PCDHGB2: variants seen among roughly 807,000 people sequenced by gnomAD.
The protein encoded by PCDHGB2 is protocadherin gamma-B2.
In PCDHGB2, 55 loss-of-function variants were observed where a neutral mutation model predicts 59.3. The ratio of observed to expected loss-of-function variants is 0.93; its 90% CI spans 0.75 to 1.16. The LOEUF (loss-of-function observed/expected upper bound fraction) is 1.16. Among genes scored for constraint, PCDHGB2 ranks in the 50% most tolerant of loss-of-function variants. The pLI is 0.00. For synonymous variants in PCDHGB2, 516 were observed against 512.0 expected, an observed-to-expected ratio of 1.01 and a Z score of -0.11; for missense variants, 1,228 against 1,198.5, an observed-to-expected ratio of 1.02 and a Z score of -0.36.
At chr5:141,394,884 C>T (rs2093119839) in intron 1 of PCDHGB2, 2 of 1,613,902 alleles carry the variant, frequency 1.2e-6, no homozygotes, top group Non-Finnish European at 1.7e-6. Flanking sequence ...GAGCCTTACA[C>T]TCTATCTCGT....
intron 1 of PCDHGB2, chr5:141,410,118 G>C: frequency 1.2e-6 from 2 of 1,612,422 alleles, no homozygotes; most frequent in African/African-American, 2.7e-5. Flanking sequence ...GACGCAGCCC[G>C]CCAGCGCCTG....
chr5:141,421,239 G>C, intron 1 of PCDHGB2: 1 of 1,599,000 alleles, frequency 6.3e-7, no homozygotes, highest in South Asian at 1.1e-5. Flanking sequence ...TGGCGAATCG[G>C]CTACAGCGCG....
At chr5:141,419,547 T>C (rs2096397603) in intron 1 of PCDHGB2, 6 of 1,612,070 alleles carry the variant, frequency 3.7e-6, no homozygotes, top group Non-Finnish European at 5.1e-6. Context: ...CCGCGGGTGC[T>C]GTACCCTGCG....
intron 1 of PCDHGB2, chr5:141,417,918 T>C (rs1371704441): frequency 1.2e-6 from 2 of 1,605,528 alleles, no homozygotes; most frequent in Non-Finnish European, 8.5e-7. Context: ...CTATTTCCTT[T>C]GCTGCTGCCT....
chr5:141,496,888 T>TAAA (rs35063790), intron 2 of PCDHGB2, among the ~76,000 whole-genome samples: 5 of 134,118 alleles, frequency 3.7e-5, no homozygotes, highest in East Asian at 4.4e-4. Context: ...AAGTAACACT[T>TAAA]AAAAAAAAAA....
intron 1 of PCDHGB2, chr5:141,388,815 A>G: frequency 1.2e-6 from 2 of 1,613,992 alleles, no homozygotes; most frequent in Non-Finnish European, 1.7e-6. Flanking sequence ...TGAAGAAGTC[A>G]AAGAATATTC....
At chr5:141,376,259 C>T (rs2150078832) in intron 1 of PCDHGB2, 1 of 1,614,236 alleles carries the variant, frequency 6.2e-7, no homozygotes, top group African/African-American at 1.3e-5. Context: ...ACGCCTGCTG[C>T]AGGCTTCGGG....
intron 1 of PCDHGB2, chr5:141,400,105 T>C (rs1282646842): frequency 6.2e-7 from 1 of 1,613,938 alleles, no homozygotes; most frequent in Non-Finnish European, 8.5e-7. Context: ...GCACTTGGTC[T>C]TTGCTGACAG....
intron 1 of PCDHGB2, chr5:141,413,327 A>G (rs200027912): frequency 6.2e-7 from 1 of 1,613,984 alleles, no homozygotes; most frequent in Non-Finnish European, 8.5e-7. Context: ...TTCGTGGGCA[A>G]CATCTCCAAG....
At chr5:141,463,587 T>TA (rs2099064735) in intron 1 of PCDHGB2, among the ~76,000 whole-genome samples, 1 of 152,058 alleles carries the variant, frequency 6.6e-6, no homozygotes, top group East Asian at 1.9e-4. Context: ...TAGCTGGGAC[T>TA]ACAGGTGCCT....
At chr5:141,379,918 T>C (rs1175326393) in intron 1 of PCDHGB2, among the ~76,000 whole-genome samples, 1 of 119,530 alleles carries the variant, frequency 8.4e-6, no homozygotes, top group Non-Finnish European at 1.7e-5. Context: ...TTTTTTTTTT[T>C]TGTCAGAGTC....
chr5:141,475,616 G>A (rs2099366026), intron 1 of PCDHGB2, among the ~76,000 whole-genome samples: 1 of 152,206 alleles, frequency 6.6e-6, no homozygotes, highest in Admixed American at 6.5e-5. Flanking sequence ...GTAGTTTTCG[G>A]TTTGGTTCGA....
intron 1 of PCDHGB2, chr5:141,441,621 G>C (rs2098260273): frequency 9.0e-6 from 2 of 223,292 alleles, no homozygotes; most frequent in Non-Finnish European, 1.8e-5. Flanking sequence ...CGTGGCCAGT[G>C]ACCTGGAGCC....
Position 141,491,075 on chromosome 5 carries a change from A to G in PCDHGB2, c.2422-3732A>G, listed in dbSNP as rs147291399. ...TGGCTCTCCTACTCACTGTTGCCAC[A>G]GTCCACAGCCCCAGGACTGTTCCTC... is the stretch of plus-strand genomic sequence containing the variant. On this transcript the variant is annotated intron_variant, in intron 1 of 3. Coordinates refer to ENST00000522605, the MANE Select transcript of PCDHGB2 (RefSeq NM_018923.3). This position sits in a 1 kb window ranked among gnomAD's most constrained non-coding sequence, Gnocchi z 6.9. 1.2e-6 allele frequency: 2 copies of G among 1,614,080 alleles called. No individual in the cohort carries two copies. Among genetic ancestry groups the G allele is most frequent in the Non-Finnish European group, 8.5e-7 (1 of 1,180,042 alleles).
intron 1 of PCDHGB2, among the ~76,000 whole-genome samples, chr5:141,444,150 GGAT>G (rs2098419400): frequency 8.8e-6 from 1 of 114,014 alleles, no homozygotes; most frequent in African/African-American, 3.4e-5. Context: ...TGTGTGTACT[GGAT>G]TTTTTTTTTT....
At chr5:141,423,837 A>G (rs73792199) in intron 1 of PCDHGB2, 16,285 of 1,277,458 alleles carry the variant, frequency 0.013, 610 homozygotes, top group African/African-American at 0.098. Context: ...TGAGATTACG[A>G]TAATCTTTCA....
rs748394772 is a variant in PCDHGB2 at position 141,362,014 on chromosome 5, C to T, written c.1879C>T (p.Arg627Cys). 3.1e-6 allele frequency: 5 copies of T among 1,605,936 alleles called. No individual in the cohort carries two copies. The East Asian group carries it at 6.7e-5, about 22-fold the overall frequency. ...FSLGLRTGEV[R>C]TARALGDRDA... Reference sequence around the variant, plus strand: ...CCTGGGGTTGCGCACGGGTGAGGTGCGCACAGCGCGTGCCTTGGGCGACAG... The same window carrying T: ...CCTGGGGTTGCGCACGGGTGAGGTGTGCACAGCGCGTGCCTTGGGCGACAG... Residue 627 changes from arginine to cysteine, a missense_variant, in exon 1 of 4, where the codon CGC becomes TGC. Arg to Cys is a radical substitution (Grantham distance 180). This residue lies in a region of PCDHGB2 where 433 missense variants were observed against 441.8 expected (regional missense o/e 0.98). Coordinates refer to ENST00000522605, the MANE Select transcript of PCDHGB2 (RefSeq NM_018923.3).
At position 141,485,929 on chromosome 5, in the gene PCDHGB2, G is replaced by A; in HGVS notation, c.2422-8878G>A. 1 of 1,614,150 alleles carries A rather than the reference G, an allele frequency of 6.2e-7. No homozygotes were observed. The highest frequency in any genetic ancestry group is 8.5e-7 in the Non-Finnish European group (1 of 1,180,036). ...AATCCAGCTACAGGATTAGTGTGTT[G>A]GAGAGCGCACCAGCGGGCATGGTGC... On this transcript the variant is annotated intron_variant, in intron 1 of 3. Coordinates refer to ENST00000522605, the MANE Select transcript of PCDHGB2 (RefSeq NM_018923.3). This position sits in a 1 kb window ranked among gnomAD's most constrained non-coding sequence, Gnocchi z 5.7.
At chr5:141,440,859 T>C (rs1272611201) in intron 1 of PCDHGB2, 1 of 152,076 alleles carries the variant, frequency 6.6e-6, no homozygotes, top group Non-Finnish European at 1.5e-5. Context: ...CCTGTGTTCA[T>C]CTAGGATGTG....
Sources: gnomAD v4.1 joint callset for allele counts (sites outside exome capture counted in the v4.1 genomes callset) on GRCh38, gnomAD v4.1.1 for gene constraint, gnomAD v4.1.1 regional missense constraint, Gnocchi (gnomAD v3.1) non-coding constraint, MANE v1.5 for transcripts, NCBI Gene and HGNC (gene_info 2026-07-23, HGNC 2026-07-21) for gene names.